Variants in RELN observed in about 807,000 individuals in gnomAD.
RELN encodes the protein reelin.
RELN carries 108 observed loss-of-function variants against 427.6 expected under a neutral mutation model. The ratio of observed to expected loss-of-function variants is 0.25; its 90% CI spans 0.22 to 0.30. The LOEUF (loss-of-function observed/expected upper bound fraction) is 0.30, where lower values mean the gene tolerates loss of function less well. Among genes scored for constraint, RELN ranks in the 10% least tolerant of loss-of-function variants. The pLI is 1.00. For synonymous variants in RELN, 1,524 were observed against 1,513.4 expected, an observed-to-expected ratio of 1.01 and a Z score of -0.16; for missense variants, 3,715 against 4,302.8, an observed-to-expected ratio of 0.86 and a Z score of 3.82.
chr7:103,736,691 T>A (rs1031211312), intron 6 of RELN, among the ~76,000 whole-genome samples: 10 of 152,238 alleles, frequency 6.6e-5, no homozygotes, highest in Admixed American at 1.3e-4. Flanking sequence ...TAAATTCCAC[T>A]ACATGCTGCT....
chr7:103,847,217 C>T (rs1161672848), intron 2 of RELN, among the ~76,000 whole-genome samples: 1 of 152,186 alleles, frequency 6.6e-6, no homozygotes, highest in Non-Finnish European at 1.5e-5. Context: ...GGCACATATA[C>T]ACCTGGAATA....
At chr7:103,703,040 A>G (rs963210948) in intron 8 of RELN, among the ~76,000 whole-genome samples, 1 of 152,188 alleles carries the variant, frequency 6.6e-6, no homozygotes, top group African/African-American at 2.4e-5. Flanking sequence ...CAAAAAGGCA[A>G]GGGGATTCCA....
chr7:103,756,493 C>G (rs1290298522), intron 4 of RELN, among the ~76,000 whole-genome samples: 2 of 152,014 alleles, frequency 1.3e-5, no homozygotes, highest in Non-Finnish European at 2.9e-5. Flanking sequence ...TATGTCCACC[C>G]AAGACATAAG....
chr7:103,666,394 G>C (rs1412824046), intron 11 of RELN, among the ~76,000 whole-genome samples: 1 of 151,940 alleles, frequency 6.6e-6, no homozygotes, highest in African/African-American at 2.4e-5. Context: ...TTTAATATTT[G>C]CTTGTTCTTT....
At chr7:103,474,211 G>GTT (rs1827952281) in intron 64 of RELN, among the ~76,000 whole-genome samples, 1 of 151,640 alleles carries the variant, frequency 6.6e-6, no homozygotes, top group Non-Finnish European at 1.5e-5. Flanking sequence ...TATCTCAAAG[G>GTT]AAAAGACATA....
chr7:103,705,127 T>C (rs915570962), intron 8 of RELN, among the ~76,000 whole-genome samples: 1 of 152,210 alleles, frequency 6.6e-6, no homozygotes, highest in Admixed American at 6.5e-5. Context: ...TTTATAATAA[T>C]TGCACATATT....
At chr7:103,659,314 T>C (rs753703422) in intron 12 of RELN, among the ~76,000 whole-genome samples, 1 of 152,092 alleles carries the variant, frequency 6.6e-6, no homozygotes, top group Non-Finnish European at 1.5e-5. Flanking sequence ...CAGGTGATAA[T>C]GTAATGCTGA....
At chr7:103,522,343 G>GCT (rs1251994474) in intron 47 of RELN, 144 bp from the exon 48 acceptor site, 32 of 762,150 alleles carry the variant, frequency 4.2e-5, no homozygotes, top group Non-Finnish European at 6.7e-5. Flanking sequence ...GAATACACCT[G>GCT]CTCTCCTTAA....
chr7:103,855,299 CA>C (rs990614709), intron 2 of RELN, among the ~76,000 whole-genome samples: 1 of 152,182 alleles, frequency 6.6e-6, no homozygotes, highest in African/African-American at 2.4e-5. Flanking sequence ...CTGTGGAAAA[CA>C]CTGGAAAGGC....
chr7:103,730,487 A>T (rs547903552), intron 6 of RELN, among the ~76,000 whole-genome samples: 16 of 145,064 alleles, frequency 1.1e-4, no homozygotes, highest in East Asian at 5.9e-4. Flanking sequence ...GCAGGGATTT[A>T]AAAAAAAAAA....
intron 2 of RELN, among the ~76,000 whole-genome samples, chr7:103,869,044 C>T (rs923612959): frequency 2.6e-5 from 4 of 151,902 alleles, no homozygotes; most frequent in Admixed American, 6.6e-5. Flanking sequence ...GTGTAATTAT[C>T]GATATGGTTG....
intron 62 of RELN, 93 bp downstream of exon 62, chr7:103,483,560 A>C: frequency 7.4e-7 from 1 of 1,342,448 alleles, no homozygotes; most frequent in Non-Finnish European, 1.1e-6. Context: ...TGGTGCATTA[A>C]CTTTACCCAA....
At chr7:103,565,217 A>T in intron 34 of RELN, 61 bp downstream of exon 34, 1 of 1,562,394 alleles carries the variant, frequency 6.4e-7, no homozygotes, top group East Asian at 2.2e-5. Context: ...AATCACAATT[A>T]TTTTCAAATT....
chr7:103,749,848 C>A (rs975140668), intron 5 of RELN, among the ~76,000 whole-genome samples: 1 of 152,230 alleles, frequency 6.6e-6, no homozygotes, highest in Admixed American at 6.5e-5. Context: ...GTGTCCCTAC[C>A]CAAATTCCAT....
At chr7:103,817,388 T>C (rs1004081906) in intron 3 of RELN, among the ~76,000 whole-genome samples, 45 of 152,214 alleles carry the variant, frequency 3.0e-4, no homozygotes, top group Admixed American at 2.0e-4. Flanking sequence ...GGACAGGATC[T>C]AAATATGTGG....
intron 2 of RELN, among the ~76,000 whole-genome samples, chr7:103,874,269 T>C (rs1385808154): frequency 8.1e-6 from 1 of 123,402 alleles, no homozygotes; most frequent in Non-Finnish European, 1.8e-5. Flanking sequence ...GGGCAAAAAC[T>C]GGAAGCATTC....
chr7:103,591,238 A>G (rs1433400559), intron 27 of RELN, among the ~76,000 whole-genome samples: 1 of 152,246 alleles, frequency 6.6e-6, no homozygotes, highest in Non-Finnish European at 1.5e-5. Flanking sequence ...TTGTTGTAAA[A>G]GACTTTACTA....
chr7:103,575,815 G>C, intron 28 of RELN, 110 bp from the exon 29 acceptor site: 2 of 1,220,424 alleles, frequency 1.6e-6, no homozygotes, highest in Non-Finnish European at 2.4e-6. Context: ...TTATTTGAAA[G>C]TCATGTCTGC....
At chr7:103,730,077 A>C (rs1430163467) in intron 6 of RELN, among the ~76,000 whole-genome samples, 1 of 152,130 alleles carries the variant, frequency 6.6e-6, no homozygotes, top group South Asian at 2.1e-4. Flanking sequence ...CCTCCAAGTC[A>C]TTGTGAAATG....
Sources: allele counts gnomAD v4.1 joint callset (sites outside exome capture counted in the v4.1 genomes callset), GRCh38; gene constraint gnomAD v4.1.1; transcripts MANE v1.5; gene names NCBI Gene and HGNC (gene_info 2026-07-23, HGNC 2026-07-21).